Variants in RBFOX1 observed in about 807,000 individuals in gnomAD.
RBFOX1 encodes RNA binding protein fox-1 homolog 1.
A neutral mutation model predicts 57.7 loss-of-function variants in RBFOX1; 8 were observed. The ratio of observed to expected loss-of-function variants is 0.14; its 90% CI spans 0.08 to 0.25. RBFOX1 has a LOEUF of 0.25. Ranked by LOEUF, RBFOX1 falls within the 10% of genes least tolerant of loss-of-function variation. RBFOX1 has a pLI of 1.00. For synonymous variants in RBFOX1, 326 were observed against 222.4 expected (o/e 1.47, Z -4.15); for missense variants, 611 against 548.5 (o/e 1.11, Z -1.14).
At chr16:5,732,218 A>T (rs1329378359) in intron 3 of RBFOX1, among the ~76,000 whole-genome samples, 1 of 152,244 alleles carries the variant, frequency 6.6e-6, no homozygotes, top group Admixed American at 6.5e-5. Context: ...TCTATGAAAT[A>T]GGGAATTTTC....
chr16:5,764,762 A>G (rs1270142605), intron 3 of RBFOX1, among the ~76,000 whole-genome samples: 1 of 151,886 alleles, frequency 6.6e-6, no homozygotes, highest in Non-Finnish European at 1.5e-5. Flanking sequence ...GGTGAAGAAA[A>G]TCTGCCCTGC....
At chr16:7,031,680 C>A (rs187988274) in intron 3 of RBFOX1, among the ~76,000 whole-genome samples, 4 of 151,992 alleles carry the variant, frequency 2.6e-5, no homozygotes, top group African/African-American at 9.7e-5. Flanking sequence ...ATGGGATTGG[C>A]GAGATAATCC....
At position 7,159,624 on chromosome 16, in the gene RBFOX1, T is replaced by A. The variant is rs74569845; in HGVS notation, c.27+107526T>A. Among the ~76,000 whole-genome samples the A allele has an allele frequency of 2.6e-3, 401 of 152,280 alleles. 1 individual carries two copies. The highest frequency in any genetic ancestry group is 9.2e-3 in the African/African-American group (382 of 41,540). Reference sequence around the variant, plus strand: ...CGCTATAGCTTCAGTCATCTCCCGCTTATCGTGTGTGTTTGTGCTGGTTCT... The same window carrying A: ...CGCTATAGCTTCAGTCATCTCCCGCATATCGTGTGTGTTTGTGCTGGTTCT... On this transcript the variant is annotated intron_variant, in intron 4 of 15. Coordinates refer to ENST00000550418, the MANE Select transcript of RBFOX1 (RefSeq NM_018723.4).
intron 5 of RBFOX1, among the ~76,000 whole-genome samples, chr16:7,529,576 ATTTC>A (rs1428364662): frequency 6.6e-5 from 10 of 152,292 alleles, no homozygotes; most frequent in African/African-American, 2.4e-4. Context: ...AAATGTTTAG[ATTTC>A]TTTCTTCTTA....
chr16:7,040,723 G>T (rs934844615), intron 3 of RBFOX1, among the ~76,000 whole-genome samples: 1 of 152,078 alleles, frequency 6.6e-6, no homozygotes, highest in Non-Finnish European at 1.5e-5. Flanking sequence ...TGGATTATAG[G>T]TTAAAAATGA....
At chr16:5,357,619 CA>C (rs1230287233) in intron 1 of RBFOX1, among the ~76,000 whole-genome samples, 2 of 152,204 alleles carry the variant, frequency 1.3e-5, no homozygotes, top group African/African-American at 4.8e-5. Context: ...AAACTTGTAA[CA>C]AACTCCCAGG....
At chr16:6,733,059 C>T (rs1046556294) in intron 3 of RBFOX1, among the ~76,000 whole-genome samples, 1 of 152,150 alleles carries the variant, frequency 6.6e-6, no homozygotes, top group Non-Finnish European at 1.5e-5. Flanking sequence ...GAGACGTCAA[C>T]ATCTAGGGCT....
intron 11 of RBFOX1, among the ~76,000 whole-genome samples, chr16:7,650,090 G>A (rs2064679065): frequency 6.8e-6 from 1 of 146,594 alleles, no homozygotes; most frequent in African/African-American, 2.5e-5. Flanking sequence ...AGGGGAGAAG[G>A]AATAAAAAAG....
At chr16:5,825,247 C>T (rs113604958) in intron 3 of RBFOX1, among the ~76,000 whole-genome samples, 11 of 152,338 alleles carry the variant, frequency 7.2e-5, no homozygotes, top group Middle Eastern at 3.4e-3. Context: ...AAGGCAGCCC[C>T]GTTGGGGAAG....
intron 2 of RBFOX1, among the ~76,000 whole-genome samples, chr16:6,578,385 T>C (rs1222489775): frequency 1.3e-5 from 2 of 152,196 alleles, no homozygotes; most frequent in Non-Finnish European, 2.9e-5. Context: ...TTGTGATTCA[T>C]GACCTTATGG....
At chr16:6,020,589 A>G (rs530912600) in intron 1 of RBFOX1, among the ~76,000 whole-genome samples, 46 of 152,232 alleles carry the variant, frequency 3.0e-4, no homozygotes, top group Non-Finnish European at 2.1e-4. Flanking sequence ...GAAACCTGCG[A>G]ATGGGAAACT....
chr16:5,553,082 T>G lies in RBFOX1; in HGVS notation c.259-45820T>G, dbSNP rs112591487. Among the ~76,000 whole-genome samples the G allele has an allele frequency of 2.6e-3, 397 of 152,118 alleles. 7 individuals are homozygous for G. Among genetic ancestry groups the G allele is most frequent in the African/African-American group, 9.2e-3 (382 of 41,502 alleles). ...TCATTCATAGGTGGGAATTGAACAATGAGATCACTTGGACACAGGGCGAGC... is the reference window on the plus strand; with the variant it reads ...TCATTCATAGGTGGGAATTGAACAAGGAGATCACTTGGACACAGGGCGAGC... On this transcript the variant is annotated intron_variant, in intron 2 of 2. Transcript: ENST00000585867.
chr16:5,743,920 A>G (rs2052874887), intron 3 of RBFOX1, among the ~76,000 whole-genome samples: 1 of 152,218 alleles, frequency 6.6e-6, no homozygotes, highest in Non-Finnish European at 1.5e-5. Flanking sequence ...TCAAGAACTT[A>G]TTCATCTTGA....
At chr16:6,892,047 G>A (rs1017783196) in intron 3 of RBFOX1, among the ~76,000 whole-genome samples, 5 of 152,110 alleles carry the variant, frequency 3.3e-5, no homozygotes, top group Admixed American at 6.6e-5. Flanking sequence ...TGTTGTAGTC[G>A]TGTGAAGTTG....
intron 3 of RBFOX1, among the ~76,000 whole-genome samples, chr16:6,700,232 C>G (rs1389927405): frequency 6.6e-6 from 1 of 152,096 alleles, no homozygotes; most frequent in Non-Finnish European, 1.5e-5. Context: ...ATGCACTGTC[C>G]TTTCCTGATC....
chr16:6,727,732 C>G (rs1261232434), intron 3 of RBFOX1, among the ~76,000 whole-genome samples: 1 of 152,130 alleles, frequency 6.6e-6, no homozygotes, highest in African/African-American at 2.4e-5. Flanking sequence ...GTGTGAGTCT[C>G]TCCATGAAGT....
intron 4 of RBFOX1, among the ~76,000 whole-genome samples, chr16:5,881,420 C>T (rs545676535): frequency 3.7e-4 from 57 of 152,194 alleles, no homozygotes; most frequent in South Asian, 1.2e-3. Flanking sequence ...TGGCTCACAC[C>T]TGTAATCCCA....
intron 3 of RBFOX1, among the ~76,000 whole-genome samples, chr16:6,665,980 G>T (rs2098730149): frequency 1.3e-5 from 2 of 152,042 alleles, no homozygotes; most frequent in African/African-American, 4.8e-5. Flanking sequence ...CATGGGTATG[G>T]TTTCCCCCAC....
At chr16:6,225,377 G>C (rs1297391644) in intron 1 of RBFOX1, among the ~76,000 whole-genome samples, 1 of 152,168 alleles carries the variant, frequency 6.6e-6, no homozygotes, top group Non-Finnish European at 1.5e-5. Context: ...CTTGGGAACA[G>C]AGAGAACTTG....
Sources: allele counts gnomAD v4.1 joint callset (sites outside exome capture counted in the v4.1 genomes callset), GRCh38; gene constraint gnomAD v4.1.1; transcripts MANE v1.5; gene names NCBI Gene and HGNC (gene_info 2026-07-23, HGNC 2026-07-21).